GPC6: variants seen among roughly 807,000 people sequenced by gnomAD.
The protein encoded by GPC6 is glypican-6.
A neutral mutation model predicts 55.2 loss-of-function variants in GPC6; 14 were observed. The ratio of observed to expected loss-of-function variants is 0.25; its 90% CI spans 0.17 to 0.40. The LOEUF (loss-of-function observed/expected upper bound fraction) is 0.40. GPC6 is among the 10% of genes least tolerant of loss of function. The pLI is 1.00. For missense variants in GPC6, 641 were observed against 708.5 expected, an observed-to-expected ratio of 0.90 and a Z score of 1.08; for synonymous variants, 278 against 259.6, an observed-to-expected ratio of 1.07 and a Z score of -0.68.
intron 3 of GPC6, among the ~76,000 whole-genome samples, chr13:93,832,885 G>A (rs187954426): frequency 7.9e-5 from 12 of 152,246 alleles, no homozygotes; most frequent in African/African-American, 2.9e-4. Context: ...TTCTTTTGCA[G>A]AACAATTGCT....
At chr13:94,091,228 A>C (rs1238574969) in intron 4 of GPC6, among the ~76,000 whole-genome samples, 1 of 152,180 alleles carries the variant, frequency 6.6e-6, no homozygotes, top group Non-Finnish European at 1.5e-5. Context: ...AAAATGGTAA[A>C]AATGTAAACA....
At position 94,403,180 on chromosome 13, in the gene GPC6, C is replaced by A. The variant is rs370417193; in HGVS notation, c.1631C>A (p.Thr544Asn). Reference sequence around the variant, plus strand: ...CACTCCCTGCTCTCCTGGTCTCTCACCTGCATTGTCCTGGCACTGCAGAGA... The same window carrying A: ...CACTCCCTGCTCTCCTGGTCTCTCAACTGCATTGTCCTGGCACTGCAGAGA... ...RGHSLLSWSL[T>N]CIVLALQRLC... Residue 544 changes from threonine (T) to asparagine (N), a missense_variant, in exon 9 of 9, where the codon ACC (threonine) becomes AAC (asparagine). Transcript: ENST00000377047. The A allele has an allele frequency of 6.2e-7, 1 of 1,613,848 alleles. No homozygotes were observed. The highest frequency in any genetic ancestry group is 8.5e-7 in the Non-Finnish European group (1 of 1,179,848).
intron 3 of GPC6, among the ~76,000 whole-genome samples, chr13:93,882,599 T>A (rs978298641): frequency 1.3e-5 from 2 of 152,120 alleles, no homozygotes; most frequent in African/African-American, 4.8e-5. Flanking sequence ...TTAGAGATCA[T>A]TTTGTGTGAT....
chr13:94,328,859 A>G (rs2139139189), intron 6 of GPC6, among the ~76,000 whole-genome samples: 1 of 152,240 alleles, frequency 6.6e-6, no homozygotes, highest in Middle Eastern at 3.4e-3. Flanking sequence ...CCCATCACCA[A>G]GCCTTCGTTT....
intron 1 of GPC6, among the ~76,000 whole-genome samples, chr13:93,336,968 A>C (rs1474554202): frequency 6.6e-6 from 1 of 152,084 alleles, no homozygotes; most frequent in East Asian, 1.9e-4. Flanking sequence ...CAATGCAAAG[A>C]TTTTCTGCCG....
intron 6 of GPC6, among the ~76,000 whole-genome samples, chr13:94,344,863 T>A (rs1284557475): frequency 6.6e-6 from 1 of 152,222 alleles, no homozygotes. Context: ...TTCAATATAT[T>A]CTGGATTAAT....
intron 4 of GPC6, among the ~76,000 whole-genome samples, chr13:94,221,740 A>G (rs971410180): frequency 6.6e-6 from 1 of 152,110 alleles, no homozygotes; most frequent in African/African-American, 2.4e-5. Context: ...AAAAAAAATT[A>G]GAGTTTTTTG....
chr13:93,791,875 T>C (rs1341257994), intron 2 of GPC6, among the ~76,000 whole-genome samples: 1 of 152,238 alleles, frequency 6.6e-6, no homozygotes. Context: ...CAAATGAATC[T>C]GTTAGCATCG....
At chr13:94,245,536 C>T (rs1891171302) in intron 4 of GPC6, among the ~76,000 whole-genome samples, 1 of 152,034 alleles carries the variant, frequency 6.6e-6, no homozygotes, top group Admixed American at 6.6e-5. Flanking sequence ...TGCTACTGCA[C>T]TCCAGCCTGG....
At chr13:93,744,665 C>T (rs1884333063) in intron 2 of GPC6, among the ~76,000 whole-genome samples, 1 of 150,622 alleles carries the variant, frequency 6.6e-6, no homozygotes, top group Non-Finnish European at 1.5e-5. Context: ...CTCGGCCAGG[C>T]GTGGTGGCTC....
At chr13:94,024,854 G>T (rs183229156) in intron 3 of GPC6, among the ~76,000 whole-genome samples, 1 of 152,232 alleles carries the variant, frequency 6.6e-6, no homozygotes, top group East Asian at 1.9e-4. Context: ...AAATCATCTT[G>T]TTCTTTTTTT....
chr13:93,295,991 T>C (rs910858785), intron 1 of GPC6, among the ~76,000 whole-genome samples: 9 of 152,046 alleles, frequency 5.9e-5, no homozygotes, highest in African/African-American at 2.2e-4. Flanking sequence ...AGGCCCAAGC[T>C]CCCTTTTTGT....
chr13:93,706,932 G>A (rs1882865989), intron 2 of GPC6, among the ~76,000 whole-genome samples: 1 of 151,668 alleles, frequency 6.6e-6, no homozygotes, highest in South Asian at 2.1e-4. Context: ...AAGATGAGAG[G>A]GAATTGCACT....
intron 2 of GPC6, among the ~76,000 whole-genome samples, chr13:93,813,280 G>A (rs1007133083): frequency 6.6e-6 from 1 of 152,156 alleles, no homozygotes; most frequent in Non-Finnish European, 1.5e-5. Flanking sequence ...AGCAGAGCAT[G>A]GTGGCAGGTG....
chr13:93,912,657 G>C (rs1183431057), intron 3 of GPC6, among the ~76,000 whole-genome samples: 1 of 152,104 alleles, frequency 6.6e-6, no homozygotes, highest in African/African-American at 2.4e-5. Flanking sequence ...GCAGGAGAAT[G>C]GCGTGAACCC....
chr13:94,353,918 G>A (rs969202283), intron 6 of GPC6, among the ~76,000 whole-genome samples: 1 of 151,696 alleles, frequency 6.6e-6, no homozygotes, highest in Non-Finnish European at 1.5e-5. Flanking sequence ...CTCATGCCAC[G>A]AATCCAGTGA....
intron 3 of GPC6, among the ~76,000 whole-genome samples, chr13:93,962,247 A>G (rs1440553497): frequency 6.6e-6 from 1 of 152,138 alleles, no homozygotes; most frequent in Admixed American, 6.6e-5. Context: ...CCTGCATAAC[A>G]TATTTCATCT....
At chr13:93,502,978 A>G (rs1880577040) in intron 1 of GPC6, among the ~76,000 whole-genome samples, 1 of 152,206 alleles carries the variant, frequency 6.6e-6, no homozygotes, top group Non-Finnish European at 1.5e-5. Flanking sequence ...TTTTAAAAAA[A>G]GAAGAGTTTA....
At chr13:94,060,943 A>G (rs1884300966) in intron 4 of GPC6, among the ~76,000 whole-genome samples, 1 of 152,212 alleles carries the variant, frequency 6.6e-6, no homozygotes, top group African/African-American at 2.4e-5. Context: ...TAAAAGGGTA[A>G]GTTGCTAAAC....
Sources: allele counts gnomAD v4.1 joint callset (sites outside exome capture counted in the v4.1 genomes callset), GRCh38; gene constraint gnomAD v4.1.1; transcripts MANE v1.5; gene names NCBI Gene and HGNC (gene_info 2026-07-23, HGNC 2026-07-21).